TSNARE1: variants seen among roughly 807,000 people sequenced by gnomAD.
The protein encoded by TSNARE1 is t-SNARE domain containing 1.
Under a neutral mutation model 62.0 loss-of-function variants are expected in TSNARE1, and 49 were observed. That is an observed-to-expected ratio of 0.79 (90% confidence interval 0.63 to 1.00). TSNARE1 has a LOEUF of 1.00. TSNARE1 is among the 50% of genes least tolerant of loss of function. TSNARE1 has a pLI of 0.00. For synonymous variants in TSNARE1, 328 were observed against 294.4 expected (o/e 1.11, Z -1.17); for missense variants, 755 against 700.1 (o/e 1.08, Z -0.88).
At chr8:142,353,326 C>A (rs1395271773) in intron 2 of TSNARE1, among the ~76,000 whole-genome samples, 2 of 152,278 alleles carry the variant, frequency 1.3e-5, no homozygotes, top group East Asian at 3.9e-4. Flanking sequence ...TGCCTCCTGC[C>A]CAACTCCTGG....
chr8:142,222,760 T>C (rs1270715978), intron 13 of TSNARE1, among the ~76,000 whole-genome samples: 3 of 53,434 alleles, frequency 5.6e-5, no homozygotes, highest in South Asian at 7.6e-4. Flanking sequence ...ATCCACTCAC[T>C]CACTCATTCA....
At chr8:142,217,323 G>GAAAGA (rs1380368057) in intron 13 of TSNARE1, among the ~76,000 whole-genome samples, 1 of 39,416 alleles carries the variant, frequency 2.5e-5, no homozygotes, top group Non-Finnish European at 6.5e-5. Flanking sequence ...AAGAAAGAAA[G>GAAAGA]AAAGAAAGAA....
chr8:142,278,567 G>A (rs1386737531), intron 11 of TSNARE1: 2 of 985,452 alleles, frequency 2.0e-6, no homozygotes. Flanking sequence ...GAGGAGAGGA[G>A]GTGCGGTGGG....
intron 11 of TSNARE1, chr8:142,277,549 T>C (rs747263835): frequency 1.6e-5 from 16 of 985,394 alleles, no homozygotes; most frequent in Non-Finnish European, 1.9e-5. Flanking sequence ...CCCCACCCTG[T>C]CCTCAGGCTT....
chr8:142,245,656 T>C (rs141350494), intron 12 of TSNARE1, among the ~76,000 whole-genome samples: 39 of 152,294 alleles, frequency 2.6e-4, no homozygotes, highest in African/African-American at 9.4e-4. Context: ...CTTACCAACA[T>C]TTCCTGCATA....
chr8:142,393,604 G>C (rs62511406), intron 1 of TSNARE1, among the ~76,000 whole-genome samples: 5,281 of 152,326 alleles, frequency 0.035, 152 homozygotes, highest in Non-Finnish European at 0.056. Flanking sequence ...CACGCCCGAA[G>C]GTGCTGAGAG....
At chr8:142,218,340 C>T (rs1816040647) in intron 13 of TSNARE1, among the ~76,000 whole-genome samples, 1 of 122,430 alleles carries the variant, frequency 8.2e-6, no homozygotes, top group East Asian at 2.2e-4. Context: ...ATCCAGTGTC[C>T]ACCCTGGAGA....
rs1038355446 is a variant in TSNARE1 at position 142,229,504 on chromosome 8, C to T, written c.1522G>A (p.Ala508Thr). ...TAGCATCACTTTCGGACAGAGGTGG[C>T]GATGATGATGATGATGACAAGCAGG... The part of the protein sequence containing the change: ...TALLVIIIII[A>T]TSVRK The change falls in exon 13 of 14, where the codon GCC becomes ACC. Residue 508 changes from alanine (A) to threonine (T), a missense_variant. Ala to Thr is a moderately conservative substitution (Grantham distance 58). Transcript: ENST00000524325. 2.7e-5 allele frequency: 43 copies of T among 1,613,158 alleles called. 1 individual carries two copies. The Middle Eastern group carries it at 6.6e-4, about 25-fold the overall frequency.
chr8:142,329,994 C>T (rs1355077018), intron 6 of TSNARE1, among the ~76,000 whole-genome samples: 6 of 152,360 alleles, frequency 3.9e-5, no homozygotes, highest in African/African-American at 1.4e-4. Flanking sequence ...TTGTGGGAGC[C>T]GTGGCCCTCC....
chr8:142,277,510 C>A, intron 11 of TSNARE1: 2 of 985,478 alleles, frequency 2.0e-6, no homozygotes, highest in Non-Finnish European at 2.4e-6. Context: ...ATGGCCGGCT[C>A]GGGGCAACTG....
intron 12 of TSNARE1, among the ~76,000 whole-genome samples, chr8:142,263,493 C>A (rs1020966509): frequency 7.9e-5 from 12 of 152,228 alleles, no homozygotes; most frequent in Admixed American, 3.9e-4. Flanking sequence ...CAAACATCCC[C>A]TTCTCGTGTG....
chr8:142,260,024 C>T (rs1448116774), intron 12 of TSNARE1, among the ~76,000 whole-genome samples: 1 of 151,856 alleles, frequency 6.6e-6, no homozygotes, highest in East Asian at 2.0e-4. Context: ...ACCCTCTGCA[C>T]TCCCCCAGCC....
At chr8:142,269,787 C>T in intron 12 of TSNARE1, 3 of 985,434 alleles carry the variant, frequency 3.0e-6, no homozygotes, top group South Asian at 4.7e-5. Flanking sequence ...CCAACAGCAG[C>T]ACCATGCGCA....
intron 4 of TSNARE1, among the ~76,000 whole-genome samples, chr8:142,339,368 A>T (rs1213013957): frequency 6.6e-6 from 1 of 152,092 alleles, no homozygotes; most frequent in Non-Finnish European, 1.5e-5. Flanking sequence ...GCGACCACAG[A>T]GATGGGTCTC....
chr8:142,393,458 C>T (rs960422411), intron 1 of TSNARE1, among the ~76,000 whole-genome samples: 6 of 152,230 alleles, frequency 3.9e-5, no homozygotes, highest in African/African-American at 1.4e-4. Flanking sequence ...CTACTGTCCT[C>T]GTTCTGCACA....
At chr8:142,394,945 G>A (rs1272240037) in intron 1 of TSNARE1, among the ~76,000 whole-genome samples, 1 of 152,208 alleles carries the variant, frequency 6.6e-6, no homozygotes, top group Non-Finnish European at 1.5e-5. Context: ...AAGGAGAGAT[G>A]CAAGCAGGTG....
At chr8:142,256,587 T>A (rs1287240760) in intron 12 of TSNARE1, among the ~76,000 whole-genome samples, 1 of 138,252 alleles carries the variant, frequency 7.2e-6, no homozygotes, top group Non-Finnish European at 1.6e-5. Flanking sequence ...ATCACCACCA[T>A]CACCATCACT....
intron 11 of TSNARE1, chr8:142,280,415 G>A (rs545738251): frequency 7.5e-6 from 6 of 796,810 alleles, no homozygotes; most frequent in South Asian, 5.7e-5. Context: ...CCCTGCATCT[G>A]TGCACAGCGG....
At chr8:142,223,870 A>G (rs1421047498) in intron 13 of TSNARE1, among the ~76,000 whole-genome samples, 1 of 149,748 alleles carries the variant, frequency 6.7e-6, no homozygotes, top group Admixed American at 6.7e-5. Context: ...CCTCGCTTCT[A>G]CAAGGTCCCA....
Sources: gnomAD v4.1 joint callset for allele counts (sites outside exome capture counted in the v4.1 genomes callset) on GRCh38, gnomAD v4.1.1 for gene constraint, MANE v1.5 for transcripts, NCBI Gene and HGNC (gene_info 2026-07-23, HGNC 2026-07-21) for gene names.